The following CLDN10 variants were observed in gnomAD, a reference collection of about 807,000 sequenced individuals.
CLDN10 encodes claudin 10.
In CLDN10, 15 loss-of-function variants were observed where a neutral mutation model predicts 22.9. That is an observed-to-expected ratio of 0.65 (90% confidence interval 0.44 to 1.01). The LOEUF (loss-of-function observed/expected upper bound fraction) is 1.01. Ranked by LOEUF, CLDN10 falls within the 50% of genes least tolerant of loss-of-function variation. The probability of loss-of-function intolerance (pLI) is 0.00; values close to 1 mark genes in which losing one functional copy is unlikely to be tolerated. For synonymous variants in CLDN10, 114 were observed against 111.4 expected (o/e 1.02, Z -0.15); for missense variants, 247 against 287.8 (o/e 0.86, Z 1.03).
At chr13:95,522,024 T>C (rs997531300) in intron 1 of CLDN10, among the ~76,000 whole-genome samples, 1 of 152,066 alleles carries the variant, frequency 6.6e-6, no homozygotes, top group African/African-American at 2.4e-5. Context: ...TTTTCTTTCA[T>C]GATACCATTT....
At chr13:95,523,034 C>A (rs1226831232) in intron 1 of CLDN10, among the ~76,000 whole-genome samples, 1 of 151,700 alleles carries the variant, frequency 6.6e-6, no homozygotes, top group Non-Finnish European at 1.5e-5. Flanking sequence ...ACATTTAGTT[C>A]ATTTACATCT....
intron 3 of CLDN10, among the ~76,000 whole-genome samples, chr13:95,575,212 CAG>C (rs761889436): frequency 1.2e-4 from 18 of 152,078 alleles, no homozygotes; most frequent in Non-Finnish European, 1.6e-4. Context: ...GGGAAAAAAA[CAG>C]AGAAAAATAG....
chr13:95,525,542 G>T (rs1008895193), intron 1 of CLDN10, among the ~76,000 whole-genome samples: 10 of 152,064 alleles, frequency 6.6e-5, no homozygotes, highest in Non-Finnish European at 8.8e-5. Flanking sequence ...GCCCAGGCTG[G>T]AGTACAGTGG....
chr13:95,526,357 T>C (rs1213466791), intron 1 of CLDN10, among the ~76,000 whole-genome samples: 1 of 152,198 alleles, frequency 6.6e-6, no homozygotes, highest in African/African-American at 2.4e-5. Context: ...AAGAATTCAT[T>C]AGAAGCTCTG....
intron 3 of CLDN10, among the ~76,000 whole-genome samples, chr13:95,576,240 T>A (rs1265317425): frequency 6.6e-6 from 1 of 152,206 alleles, no homozygotes; most frequent in Non-Finnish European, 1.5e-5. Context: ...CTGTCTTGCC[T>A]TCTCCTGGAC....
At chr13:95,506,522 C>G (rs1203803890) in intron 1 of CLDN10, among the ~76,000 whole-genome samples, 2 of 152,222 alleles carry the variant, frequency 1.3e-5, no homozygotes, top group African/African-American at 4.8e-5. Flanking sequence ...CTGCCTCCCT[C>G]TGGGAGAAGT....
At chr13:95,576,037 C>G (rs190782042) in intron 3 of CLDN10, among the ~76,000 whole-genome samples, 7 of 152,322 alleles carry the variant, frequency 4.6e-5, no homozygotes, top group East Asian at 3.9e-4. Flanking sequence ...GCCTGCGACT[C>G]AGACCACACC....
Position 95,577,906 on chromosome 13 carries a change from A to G in CLDN10, c.579A>G (p.Thr193=), listed in dbSNP as rs147791260. 108 of 1,610,846 alleles carry G rather than the reference A, an allele frequency of 6.7e-5. No individual in the cohort carries two copies. The African/African-American group carries it at 1.1e-3, about 17-fold the overall frequency. ...ACTATGTTTTACCTTTCAGATACAC[A>G]TACAACGGGGCCACATCTGTCATGT... The part of the protein sequence containing the change: ...ISDNNKTPRY[T]YNGATSVMSS... Residue 193 remains threonine (T), a synonymous_variant, in exon 5 of 5, where the codon ACA becomes ACG. Transcript: ENST00000299339.
At position 95,488,701 on chromosome 13, in the gene CLDN10, C is replaced by A. The variant is rs111429197; in HGVS notation, c.214+54654C>A. On this transcript the variant is annotated intron_variant, in intron 1 of 4. Transcript: ENST00000376873. ...CACTGCAAACACTGATAATTCATTT[C>A]TTTTTAGGTCTGCGTAGTATTCCAT... Among the ~76,000 whole-genome samples, 664 of 152,202 alleles carry A rather than the reference C, an allele frequency of 4.4e-3. 6 individuals carry two copies. The highest frequency in any genetic ancestry group is 0.015 in the African/African-American group (637 of 41,530).
chr13:95,565,313 T>C lies in CLDN10; in HGVS notation c.464+4850T>C, dbSNP rs2043771154. Among the ~76,000 whole-genome samples, 4 of 152,326 alleles carry C rather than the reference T, an allele frequency of 2.6e-5. No homozygotes were observed. In the South Asian group the frequency reaches 8.3e-4, roughly 32 times the overall value. On this transcript the variant is annotated intron_variant, in intron 3 of 4. Transcript: ENST00000299339. ...CATTGCAAGTAAGAATTGATCAACA[T>C]TAAGAAACTTCTTTTCAAATCATGC...
At chr13:95,474,982 T>C (rs796342401) in intron 1 of CLDN10, among the ~76,000 whole-genome samples, 1 of 152,102 alleles carries the variant, frequency 6.6e-6, no homozygotes, top group African/African-American at 2.4e-5. Context: ...TCTCACATCT[T>C]GGTGGAGAGG....
At chr13:95,467,887 C>T (rs1399173438) in intron 1 of CLDN10, among the ~76,000 whole-genome samples, 4 of 152,136 alleles carry the variant, frequency 2.6e-5, no homozygotes, top group African/African-American at 4.8e-5. Context: ...ACAGGAAAAA[C>T]GTTGATGCTC....
intron 1 of CLDN10, among the ~76,000 whole-genome samples, chr13:95,510,849 A>C (rs4773913): frequency 0.99 from 150,530 of 152,156 alleles, 74,487 homozygotes; most frequent in East Asian, 1. Context: ...CAGTAAGTCT[A>C]CAATAAACCA....
chr13:95,496,496 C>T (rs1296778322), intron 1 of CLDN10, among the ~76,000 whole-genome samples: 1 of 152,268 alleles, frequency 6.6e-6, no homozygotes, highest in Non-Finnish European at 1.5e-5. Flanking sequence ...GCTCAGGCTG[C>T]GATTACAAAA....
At chr13:95,462,958 T>C (rs1397050094) in intron 1 of CLDN10, among the ~76,000 whole-genome samples, 1 of 152,114 alleles carries the variant, frequency 6.6e-6, no homozygotes, top group African/African-American at 2.4e-5. Context: ...TTATGCCTTG[T>C]TCCCCTAATC....
chr13:95,530,683 C>A (rs1182715120), intron 1 of CLDN10, among the ~76,000 whole-genome samples: 1 of 152,204 alleles, frequency 6.6e-6, no homozygotes, highest in African/African-American at 2.4e-5. Flanking sequence ...TGTTTATCAA[C>A]TACCTTGTGC....
intron 1 of CLDN10, among the ~76,000 whole-genome samples, chr13:95,476,512 C>T (rs1358087735): frequency 1.3e-5 from 2 of 152,134 alleles, no homozygotes; most frequent in Non-Finnish European, 2.9e-5. Flanking sequence ...TCCCGAAGGC[C>T]CCACCTCCCA....
chr13:95,544,447 C>T (rs1019871281), intron 1 of CLDN10, among the ~76,000 whole-genome samples: 1 of 152,152 alleles, frequency 6.6e-6, no homozygotes, highest in African/African-American at 2.4e-5. Flanking sequence ...GCCAGAAATC[C>T]TAGAGGTGTG....
intron 1 of CLDN10, among the ~76,000 whole-genome samples, chr13:95,497,915 G>A (rs545087981): frequency 2.7e-4 from 41 of 152,244 alleles, no homozygotes; most frequent in African/African-American, 9.4e-4. Context: ...GAACTTAAAG[G>A]TTTAGGACAT....
Sources: gnomAD v4.1 joint callset for allele counts (sites outside exome capture counted in the v4.1 genomes callset) on GRCh38, gnomAD v4.1.1 for gene constraint, MANE v1.5 for transcripts, NCBI Gene and HGNC (gene_info 2026-07-23, HGNC 2026-07-21) for gene names.